The following ZNF544 variants were observed in gnomAD, a reference collection of about 807,000 sequenced individuals.
ZNF544 encodes zinc finger protein 544.
A neutral mutation model predicts 13.5 loss-of-function variants in ZNF544; 10 were observed. That is an observed-to-expected ratio of 0.74 (90% CI 0.46 to 1.25). The LOEUF (loss-of-function observed/expected upper bound fraction) is 1.25. Among genes scored for constraint, ZNF544 ranks in the 50% most tolerant of loss-of-function variants. The probability of loss-of-function intolerance (pLI) is 0.00; values close to 1 mark genes in which losing one functional copy is unlikely to be tolerated. For synonymous variants in ZNF544, 323 were observed against 300.5 expected (o/e 1.07, Z -0.77); for missense variants, 896 against 845.6 (o/e 1.06, Z -0.74).
chr19:58,264,872 T>C (rs1026457431), downstream of ZNF544, among the ~76,000 whole-genome samples: 1 of 151,464 alleles, frequency 6.6e-6, no homozygotes, highest in Non-Finnish European at 1.5e-5. Context: ...GGCATGGAGC[T>C]GCACACCTGT....
At chr19:58,246,189 G>A in intron 4 of ZNF544, 112 bp from the exon 5 acceptor site, 1 of 1,431,710 alleles carries the variant, frequency 7.0e-7, no homozygotes, top group Non-Finnish European at 9.8e-7. Context: ...TGGGTATTAG[G>A]TTCCAATGTA....
chr19:58,256,033 T>C (rs1196671546), intron 6 of ZNF544, among the ~76,000 whole-genome samples: 1 of 152,204 alleles, frequency 6.6e-6, no homozygotes, highest in Admixed American at 6.5e-5. Context: ...ACAGAAATCT[T>C]TCCGTTTCAC....
At chr19:58,239,492 G>C (rs1241021120) in intron 3 of ZNF544, among the ~76,000 whole-genome samples, 1 of 152,202 alleles carries the variant, frequency 6.6e-6, no homozygotes, top group African/African-American at 2.4e-5. Flanking sequence ...AGTAAGCCTG[G>C]TGTTCACTGT....
At position 58,263,096 on chromosome 19, in the gene ZNF544, T is replaced by G; in HGVS notation, c.*342T>G. On this transcript the variant is annotated 3_prime_UTR_variant, in exon 7 of 7. Coordinates refer to ENST00000687789, the MANE Select transcript of ZNF544 (RefSeq NM_014480.4). ...GAAGCCCTGTGAATGTTAACAAATGTGGAAAAGCTTCCAGTTATGATACTT... is the reference window on the plus strand; with the variant it reads ...GAAGCCCTGTGAATGTTAACAAATGGGGAAAAGCTTCCAGTTATGATACTT... The G allele has an allele frequency of 9.5e-7, 1 of 1,048,070 alleles. No homozygotes were observed. Among genetic ancestry groups the G allele is most frequent in the Non-Finnish European group, 1.2e-6 (1 of 868,064 alleles). The allele number at this position is 1,048,070 out of a possible 1,614,324, so 64.9% of individuals were successfully genotyped here.
chr19:58,242,321 T>G, intron 3 of ZNF544: 2 of 971,128 alleles, frequency 2.1e-6, no homozygotes. Flanking sequence ...GAGAACTGCC[T>G]AAAAAATACA....
intron 5 of ZNF544, 91 bp downstream of exon 5, chr19:58,246,518 T>C: frequency 6.4e-7 from 1 of 1,560,838 alleles, no homozygotes; most frequent in Non-Finnish European, 8.7e-7. Flanking sequence ...TGCTGGAAGA[T>C]ACTGGAAGCA....
Position 58,261,413 on chromosome 19 carries a change from T to A in ZNF544, c.807T>A (p.Ser269Arg). ...GTAGAACTTTTTCAGTGAAGAAAAGTGATGACTGTAAGGATTATGGAAACC... is the reference window on the plus strand; with the variant it reads ...GTAGAACTTTTTCAGTGAAGAAAAGAGATGACTGTAAGGATTATGGAAACC... ...FHGRTFSVKKSDDCKDYGNLF... is the reference protein window; with the variant it reads ...FHGRTFSVKKRDDCKDYGNLF... The change falls in exon 7 of 7, where the codon AGT (serine) becomes AGA (arginine). Residue 269 changes from serine to arginine, a missense_variant. Coordinates refer to ENST00000687789, the MANE Select transcript of ZNF544 (RefSeq NM_014480.4). The A allele has an allele frequency of 1.2e-6, 2 of 1,614,182 alleles. No individual in the cohort carries two copies. Among genetic ancestry groups the A allele is most frequent in the Non-Finnish European group, 1.7e-6 (2 of 1,180,042 alleles).
intron 3 of ZNF544, among the ~76,000 whole-genome samples, chr19:58,241,183 T>TATATA (rs1254015931): frequency 6.4e-5 from 2 of 31,458 alleles, no homozygotes; most frequent in Admixed American, 4.0e-4. Flanking sequence ...ATATATATTT[T>TATATA]TTTTTTTTTG....
At chr19:58,240,676 C>A (rs893724927) in intron 3 of ZNF544, among the ~76,000 whole-genome samples, 1 of 151,730 alleles carries the variant, frequency 6.6e-6, no homozygotes, top group Admixed American at 6.6e-5. Flanking sequence ...GCAGGAGAAT[C>A]GCTTGAACCT....
intron 6 of ZNF544, chr19:58,260,613 T>G: frequency 4.7e-6 from 2 of 423,174 alleles, no homozygotes; most frequent in Non-Finnish European, 4.2e-6. Flanking sequence ...CTGCCCTCTA[T>G]TTGGGGACTA....
intron 6 of ZNF544, among the ~76,000 whole-genome samples, chr19:58,252,568 A>G (rs1021887929): frequency 6.6e-6 from 1 of 151,816 alleles, no homozygotes; most frequent in Non-Finnish European, 1.5e-5. Context: ...AACAACCTGA[A>G]TCAACCTTTA....
intron 3 of ZNF544, among the ~76,000 whole-genome samples, chr19:58,241,179 A>ATTTTTTTTTTTTTTTTT (rs57421577): frequency 1.4e-5 from 1 of 72,776 alleles, no homozygotes; most frequent in African/African-American, 5.9e-5. Flanking sequence ...ATATATATAT[A>ATTTTTTTTTTTTTTTTT]TTTTTTTTTT....
chr19:58,270,327 A>G (rs966102602), intron 5 of ZNF544, among the ~76,000 whole-genome samples: 6 of 143,080 alleles, frequency 4.2e-5, no homozygotes, highest in Non-Finnish European at 9.1e-5. Flanking sequence ...TTTTTTTGAG[A>G]AGGAGTCTCT....
In ZNF544 at chr19:58,263,405, G is replaced by A; in HGVS notation, c.*651G>A. 5.1e-6 allele frequency: 5 copies of A among 983,342 alleles called. No individual in the cohort carries two copies. Among genetic ancestry groups the A allele is most frequent in the Non-Finnish European group, 6.0e-6 (5 of 828,174 alleles). The allele number at this position is 983,342 out of a possible 1,614,324, so 60.9% of individuals were successfully genotyped here. A position where few individuals can be genotyped will look rare whatever the true frequency, so the allele number is the denominator to read the frequency against. On this transcript the variant is annotated 3_prime_UTR_variant, in exon 7 of 7. Coordinates refer to ENST00000687789, the MANE Select transcript of ZNF544 (RefSeq NM_014480.4). Reference sequence around the variant, plus strand: ...GAGCTTGGGAGGCGGTGGTTGCAGTGAGCTGTGATCATGCCATCACACCGC... The same window carrying A: ...GAGCTTGGGAGGCGGTGGTTGCAGTAAGCTGTGATCATGCCATCACACCGC...
rs778836985 is a variant in ZNF544, at chr19:58,261,839, C to A, written c.1233C>A (p.Asp411Glu). 2.0e-5 allele frequency: 32 copies of A among 1,612,800 alleles called. No individual in the cohort carries two copies. In the South Asian group the frequency reaches 3.4e-4, roughly 17 times the overall value. Residue 411 changes from aspartate to glutamate, a missense_variant, in exon 7 of 7, where the codon GAC (aspartate) becomes GAA (glutamate). Coordinates refer to ENST00000687789, the MANE Select transcript of ZNF544 (RefSeq NM_014480.4). ...CTGGAGAGAAGCCCTATGAGTGTGA[C>A]CTGTGTGGGAAATCCTTCACCCAGA... ...THTGEKPYECDLCGKSFTQRS... is the reference protein window; with the variant it reads ...THTGEKPYECELCGKSFTQRS...
intron 3 of ZNF544, among the ~76,000 whole-genome samples, chr19:58,235,306 T>C (rs971605400): frequency 2.0e-5 from 3 of 152,154 alleles, no homozygotes; most frequent in African/African-American, 7.2e-5. Context: ...GGTAAAAATA[T>C]GGTATAAAAG....
chr19:58,242,927 C>G (rs1314352113), intron 3 of ZNF544, among the ~76,000 whole-genome samples: 1 of 152,068 alleles, frequency 6.6e-6, no homozygotes, highest in East Asian at 1.9e-4. Context: ...GAACTCCTGA[C>G]CTTGTGATCT....
At chr19:58,270,268 C>T (rs2050462503) in intron 5 of ZNF544, among the ~76,000 whole-genome samples, 1 of 150,498 alleles carries the variant, frequency 6.6e-6, no homozygotes, top group Non-Finnish European at 1.5e-5. Context: ...CAGGGAATGG[C>T]ATTTGCATAG....
chr19:58,274,672 A>G (rs1358393725), intron 5 of ZNF544, among the ~76,000 whole-genome samples: 2 of 152,204 alleles, frequency 1.3e-5, no homozygotes, highest in Admixed American at 1.3e-4. Context: ...CACCTACTTT[A>G]CGAAAAACAG....
Sources: allele counts gnomAD v4.1 joint callset (sites outside exome capture counted in the v4.1 genomes callset), GRCh38; gene constraint gnomAD v4.1.1; transcripts MANE v1.5; gene names NCBI Gene and HGNC (gene_info 2026-07-23, HGNC 2026-07-21).